Variants in P3H2 observed in about 807,000 individuals in gnomAD.
P3H2 encodes leprecan-like 1.
In P3H2, 80 loss-of-function variants were observed where a neutral mutation model predicts 87.0. The ratio of observed to expected loss-of-function variants is 0.92; its 90% CI spans 0.77 to 1.11. The LOEUF (loss-of-function observed/expected upper bound fraction) is 1.11, where lower values mean the gene tolerates loss of function less well. Among genes scored for constraint, P3H2 ranks in the 50% least tolerant of loss-of-function variants. P3H2 has a pLI of 0.00. For missense variants in P3H2, 1,001 were observed against 923.9 expected, an observed-to-expected ratio of 1.08 and a Z score of -1.08; for synonymous variants, 367 against 359.3, an observed-to-expected ratio of 1.02 and a Z score of -0.24.
chr3:190,045,032 A>G (rs1336914338), intron 1 of P3H2, among the ~76,000 whole-genome samples: 1 of 152,216 alleles, frequency 6.6e-6, no homozygotes, highest in Admixed American at 6.5e-5. Flanking sequence ...ATTTAATAAC[A>G]ATTGAGCTAA....
intron 1 of P3H2, among the ~76,000 whole-genome samples, chr3:190,114,016 C>G (rs1306890034): frequency 5.3e-5 from 7 of 133,180 alleles, no homozygotes; most frequent in Admixed American, 3.1e-4. Flanking sequence ...GGAGGCGGAG[C>G]TTGCAGTGAG....
chr3:190,062,926 T>C (rs766497639), intron 1 of P3H2, among the ~76,000 whole-genome samples: 14 of 152,222 alleles, frequency 9.2e-5, no homozygotes, highest in Non-Finnish European at 1.6e-4. Flanking sequence ...GGAGCAAGAA[T>C]GTGGAGCAGG....
intron 12 of P3H2, among the ~76,000 whole-genome samples, chr3:189,971,320 C>T (rs927253827): frequency 6.6e-6 from 1 of 152,192 alleles, no homozygotes; most frequent in African/African-American, 2.4e-5. Flanking sequence ...GTGGCCTAGC[C>T]ACGCCTTGCA....
intron 1 of P3H2, among the ~76,000 whole-genome samples, chr3:190,061,714 G>A (rs1343113098): frequency 6.6e-6 from 1 of 152,136 alleles, no homozygotes; most frequent in African/African-American, 2.4e-5. Context: ...ACTGGTGCCA[G>A]ATACCATGTA....
chr3:189,973,808 G>A (rs1697075233), intron 10 of P3H2, 101 bp downstream of exon 10: 1 of 875,430 alleles, frequency 1.1e-6, no homozygotes, highest in Non-Finnish European at 2.0e-6. Flanking sequence ...ACAGGCGTGA[G>A]CCACTGTGCC....
intron 1 of P3H2, among the ~76,000 whole-genome samples, chr3:190,084,730 A>G (rs1334782372): frequency 6.6e-6 from 1 of 152,210 alleles, no homozygotes; most frequent in Non-Finnish European, 1.5e-5. Flanking sequence ...GTAATATGAA[A>G]CAATGCAAAG....
At chr3:189,982,119 G>C (rs1182079864) in intron 8 of P3H2, among the ~76,000 whole-genome samples, 2 of 151,972 alleles carry the variant, frequency 1.3e-5, no homozygotes, top group African/African-American at 2.4e-5. Flanking sequence ...ATATATTTTT[G>C]ATATCTACAC....
At chr3:189,982,887 T>A (rs994588317) in intron 8 of P3H2, among the ~76,000 whole-genome samples, 159 bp downstream of exon 8, 121 of 152,164 alleles carry the variant, frequency 8.0e-4, no homozygotes, top group African/African-American at 2.7e-3. Flanking sequence ...AAGACTTTTT[T>A]TTTTAAGTCT....
intron 1 of P3H2, among the ~76,000 whole-genome samples, chr3:190,018,323 C>T (rs959975785): frequency 3.3e-5 from 5 of 152,122 alleles, no homozygotes; most frequent in African/African-American, 1.2e-4. Flanking sequence ...CCTTGCTAAG[C>T]ACTTAAAATG....
chr3:189,959,328 A>G (rs1722739006), intron 14 of P3H2, among the ~76,000 whole-genome samples: 1 of 151,098 alleles, frequency 6.6e-6, no homozygotes, highest in South Asian at 2.1e-4. Flanking sequence ...ATATGTATAC[A>G]TGTGCCATGC....
chr3:189,986,458 G>A (rs2693034), intron 6 of P3H2, among the ~76,000 whole-genome samples: 35,423 of 151,962 alleles, frequency 0.23, 4,244 homozygotes, highest in Non-Finnish European at 0.27. Context: ...GCATTGTGGC[G>A]TGTGCCTGTA....
intron 1 of P3H2, among the ~76,000 whole-genome samples, chr3:190,083,726 A>G (rs1727125202): frequency 6.6e-6 from 1 of 152,216 alleles, no homozygotes; most frequent in Non-Finnish European, 1.5e-5. Context: ...TCTCAGAGAC[A>G]TTTCAGATTA....
At chr3:189,992,494 G>A (rs1288158844) in intron 3 of P3H2, among the ~76,000 whole-genome samples, 1 of 152,118 alleles carries the variant, frequency 6.6e-6, no homozygotes, top group African/African-American at 2.4e-5. Context: ...GTTGAATGTT[G>A]CTTTTCATAT....
chr3:189,958,067 G>A (rs1027801232), intron 14 of P3H2, 63 bp from the exon 15 acceptor site: 22 of 1,239,230 alleles, frequency 1.8e-5, no homozygotes, highest in Middle Eastern at 1.9e-4. Context: ...ATCAGCAGAC[G>A]CTTCCCAAAC....
intron 1 of P3H2, among the ~76,000 whole-genome samples, chr3:190,005,317 A>C (rs2108930668): frequency 6.6e-6 from 1 of 152,278 alleles, no homozygotes; most frequent in East Asian, 1.9e-4. Context: ...CTGTAAGTCC[A>C]CATGTTTCCT....
At position 189,957,609 on chromosome 3, in the gene P3H2, T is replaced by A. The variant is rs140352375; in HGVS notation, c.*303A>T. Reference sequence around the variant, plus strand: ...GGAGGCTTGAAGGATCGCCTGAGCCTAAGAGTTTGAGGCTCCAGTGTGCTA... The same window carrying A: ...GGAGGCTTGAAGGATCGCCTGAGCCAAAGAGTTTGAGGCTCCAGTGTGCTA... On this transcript the variant is annotated 3_prime_UTR_variant, in exon 15 of 15. Transcript: ENST00000319332. 6.2e-4 allele frequency: 272 copies of A among 441,814 alleles called. 1 individual carries two copies. Among genetic ancestry groups the A allele is most frequent in the African/African-American group, 4.7e-3 (237 of 50,380 alleles). 27.4% of individuals were successfully genotyped at this position (441,814 alleles called of 1,614,324 possible).
chr3:190,111,544 A>C (rs1347136721), intron 1 of P3H2, among the ~76,000 whole-genome samples: 1 of 152,158 alleles, frequency 6.6e-6, no homozygotes, highest in Non-Finnish European at 1.5e-5. Context: ...CTTTTTTAAA[A>C]AAAATCAGTC....
intron 1 of P3H2, among the ~76,000 whole-genome samples, chr3:190,012,250 G>A (rs1156537935): frequency 4.1e-5 from 6 of 147,380 alleles, no homozygotes; most frequent in Admixed American, 4.0e-4. Context: ...GTAGTGGGGG[G>A]CGGGGGACAT....
chr3:190,092,532 GAA>G (rs1180424962), intron 1 of P3H2, among the ~76,000 whole-genome samples: 1 of 152,160 alleles, frequency 6.6e-6, no homozygotes, highest in Non-Finnish European at 1.5e-5. Context: ...TAAAAATAAG[GAA>G]AAGTGCAAGG....
Sources: allele counts gnomAD v4.1 joint callset (sites outside exome capture counted in the v4.1 genomes callset), GRCh38; gene constraint gnomAD v4.1.1; transcripts MANE v1.5; gene names NCBI Gene and HGNC (gene_info 2026-07-23, HGNC 2026-07-21).